The following TOP3B variants were observed in gnomAD, a reference collection of about 807,000 sequenced individuals.
The protein encoded by TOP3B is DNA topoisomerase III beta, also known as DNA topoisomerase 3-beta-1.
A neutral mutation model predicts 93.9 loss-of-function variants in TOP3B; 45 were observed. That is an observed-to-expected ratio of 0.48 (90% CI 0.38 to 0.61). TOP3B has a LOEUF of 0.61. Ranked by LOEUF, TOP3B falls within the 20% of genes least tolerant of loss-of-function variation. TOP3B has a pLI of 0.00. For synonymous variants in TOP3B, 357 were observed against 472.6 expected, an observed-to-expected ratio of 0.76 and a Z score of 3.17; for missense variants, 750 against 1,156.1, an observed-to-expected ratio of 0.65 and a Z score of 5.09.
At chr22:21,962,323 G>A in intron 13 of TOP3B, 106 bp downstream of exon 13, 2 of 1,599,634 alleles carry the variant, frequency 1.3e-6, no homozygotes, top group Admixed American at 1.7e-5. Context: ...CCCATGGAGG[G>A]GTGCTGGGCT....
chr22:21,964,271 T>G lies in TOP3B; in HGVS notation c.988A>C (p.Thr330Pro). ...CGTGGGTAGCTGATGTAGCCTTGCG[T>G]GTAGAGCCGCTCAGCCGTCTGCATG... The part of the protein sequence containing the change: ...HAMQTAERLY[T>P]QGYISYPRTE... The change falls in exon 10 of 18, where the codon ACG becomes CCG. Residue 330 changes from threonine to proline, a missense_variant. Around this residue, in one of 4 missense-constraint regions of TOP3B, gnomAD observed 737 missense variants for 933.7 expected, o/e 0.79. Coordinates refer to ENST00000357179, the MANE Select transcript of TOP3B (RefSeq NM_001282112.2). 1 of 1,614,068 alleles carries G rather than the reference T, an allele frequency of 6.2e-7. No individual in the cohort carries two copies. Among genetic ancestry groups the G allele is most frequent in the East Asian group, 2.2e-5 (1 of 44,876 alleles).
In TOP3B at chr22:21,958,490, A is replaced by G. The variant is rs1227425196; in HGVS notation, c.2107+2T>C. The G allele has an allele frequency of 3.7e-6, 6 of 1,613,544 alleles. No individual in the cohort carries two copies. The highest frequency in any genetic ancestry group is 1.3e-5 in the African/African-American group (1 of 74,830). ...TGGACAGGAGGGAGTGGCTGCACTC[A>G]CCTTTCTTCATGTCTCGGAAGGGTG... On this transcript the variant is annotated splice_donor_variant, in intron 17 of 17. Coordinates refer to ENST00000357179, the MANE Select transcript of TOP3B (RefSeq NM_001282112.2). LOFTEE classifies it high-confidence loss of function.
intron 16 of TOP3B, 80 bp downstream of exon 16, chr22:21,959,052 A>G: frequency 1.9e-6 from 3 of 1,561,196 alleles, no homozygotes; most frequent in Non-Finnish European, 2.6e-6. Flanking sequence ...GACAAAGAAC[A>G]TGATTCCTGC....
intron 9 of TOP3B, 156 bp from the exon 10 acceptor site, chr22:21,964,471 C>G: frequency 1.2e-6 from 1 of 805,388 alleles, no homozygotes; most frequent in South Asian, 1.7e-5. Context: ...AGCTGCTGGC[C>G]GGGTGGGCAC....
chr22:21,957,349 T>C lies in TOP3B; in HGVS notation c.2354A>G (p.Lys785Arg). The C allele has an allele frequency of 1.2e-6, 2 of 1,610,772 alleles. No homozygotes were observed. Among genetic ancestry groups the C allele is most frequent in the Non-Finnish European group, 1.7e-6 (2 of 1,179,266 alleles). ...ATCGCCCGGGAGTGGGGACTTGGCCTTGTTGAAGTCCACATCAAGCAAGGC... is the reference window on the plus strand; with the variant it reads ...ATCGCCCGGGAGTGGGGACTTGGCCCTGTTGAAGTCCACATCAAGCAAGGC... The part of the protein sequence containing the change: ...EAALLDVDFN[K>R]AKSPLPGDET... The change falls in exon 18 of 18, where the codon AAG becomes AGG. Residue 785 changes from lysine (K) to arginine (R), a missense_variant. Transcript: ENST00000357179.
In TOP3B at chr22:21,971,267, G is replaced by A; in HGVS notation, c.384+610C>T. The stretch of plus-strand genomic sequence containing the variant: ...CTTGAGCCACGGGTGAGAGCTGGGG[G>A]TACAGGAGCACGGGGGCGACCCATA... On this transcript the variant is annotated intron_variant, in intron 5 of 17. Transcript: ENST00000357179. This position sits in a 1 kb window ranked among gnomAD's most constrained non-coding sequence, Gnocchi z 4.6. The A allele has an allele frequency of 3.4e-6, 1 of 296,234 alleles. No individual in the cohort carries two copies. Among genetic ancestry groups the A allele is most frequent in the Non-Finnish European group, 6.6e-6 (1 of 151,428 alleles). The allele number at this position is 296,234 out of a possible 1,614,324, so 18.4% of individuals were successfully genotyped here. A position where few individuals can be genotyped will look rare whatever the true frequency, so the allele number is the denominator to read the frequency against.
intron 1 of TOP3B, among the ~76,000 whole-genome samples, chr22:21,977,791 G>T (rs981394261): frequency 2.6e-5 from 4 of 152,150 alleles, no homozygotes; most frequent in South Asian, 2.1e-4. Context: ...TCCTTGGAAT[G>T]AACTTAATAG....
rs368694010 is a variant in TOP3B at position 21,968,793 on chromosome 22, A to G, written c.582-18T>C. 6 of 1,613,754 alleles carry G rather than the reference A, an allele frequency of 3.7e-6. No individual in the cohort carries two copies. The African/African-American group carries it at 6.7e-5, about 18-fold the overall frequency. On this transcript the variant is annotated intron_variant, in intron 6 of 17. Coordinates refer to ENST00000357179, the MANE Select transcript of TOP3B (RefSeq NM_001282112.2). ...TCTGAAACCTGGAGGGAGTGGAAAG[A>G]TATTTTGGTCACTGATTCACTCAAG...
intron 9 of TOP3B, 38 bp downstream of exon 9, chr22:21,965,243 CAGGA>C: frequency 6.7e-7 from 1 of 1,494,358 alleles, no homozygotes. Context: ...GAACCTGCCT[CAGGA>C]AGCCTTCTGG....
intron 14 of TOP3B, 74 bp downstream of exon 14, chr22:21,960,247 G>T (rs766185962): frequency 1.2e-6 from 2 of 1,601,004 alleles, no homozygotes; most frequent in African/African-American, 2.7e-5. Flanking sequence ...TGTCTGGAGC[G>T]GGCAGCAGAG....
chr22:21,971,337 C>T lies in TOP3B; in HGVS notation c.384+540G>A, dbSNP rs116002953. ...ACCAAGTGAGACCAGCAGTCATGGC[C>T]ACTGTGAGGGCACCATGGCCGGGGC... On this transcript the variant is annotated intron_variant, in intron 5 of 17. Transcript: ENST00000357179. The surrounding 1 kb of genome is among the most constrained non-coding windows in gnomAD (Gnocchi z 4.6). 1,093 of 287,120 alleles carry T rather than the reference C, an allele frequency of 3.8e-3. 6 individuals are homozygous for T. Among genetic ancestry groups the T allele is most frequent in the African/African-American group, 0.023 (1,024 of 44,742 alleles). The allele number at this position is 287,120 out of a possible 1,614,324, so 17.8% of individuals were successfully genotyped here.
intron 1 of TOP3B, among the ~76,000 whole-genome samples, chr22:21,979,268 G>A (rs890413961): frequency 6.6e-6 from 1 of 152,032 alleles, no homozygotes; most frequent in African/African-American, 2.4e-5. Context: ...TGCTCTGTGG[G>A]GTCCAGGAAG....
rs1217462113 is a variant in TOP3B, at chr22:21,959,767, T to C, written c.1655-31A>G. 5.0e-6 allele frequency: 8 copies of C among 1,603,436 alleles called. No homozygotes were observed. In the East Asian group the frequency reaches 1.6e-4, roughly 31 times the overall value. ...AGTGGGCAGGGGGCAGATATTGCCCTGAGCACTCGCACCCAGGGCCATGCC... is the reference window on the plus strand; with the variant it reads ...AGTGGGCAGGGGGCAGATATTGCCCCGAGCACTCGCACCCAGGGCCATGCC... On this transcript the variant is annotated intron_variant, in intron 14 of 17. Transcript: ENST00000357179.
intron 15 of TOP3B, 143 bp downstream of exon 15, chr22:21,959,444 G>T (rs2071070668): frequency 6.6e-7 from 1 of 1,505,478 alleles, no homozygotes; most frequent in Non-Finnish European, 8.8e-7. Context: ...AACCCAGCCA[G>T]GAGGTGTCAC....
At chr22:21,960,150 A>AGGTCCTGGG in intron 14 of TOP3B, 171 bp downstream of exon 14, 1 of 983,874 alleles carries the variant, frequency 1.0e-6, no homozygotes, top group Non-Finnish European at 1.5e-6. Flanking sequence ...TGCTCTGGGC[A>AGGTCCTGGG]GGTCCTGGGG....
chr22:21,965,542 G>C (rs2071383149), intron 8 of TOP3B, 167 bp from the exon 9 acceptor site: 1 of 429,336 alleles, frequency 2.3e-6, no homozygotes, highest in African/African-American at 2.1e-5. Context: ...TTCAGGACCA[G>C]GAAAGGAAAA....
At chr22:21,974,181 T>G (rs541282416) in intron 3 of TOP3B, 176 bp downstream of exon 3, 1 of 728,258 alleles carries the variant, frequency 1.4e-6, no homozygotes, top group East Asian at 3.1e-5. Context: ...TTCCAGAGCC[T>G]GGGTTCTGGG....
At chr22:21,959,560 G>A (rs1366117271) in intron 15 of TOP3B, 27 bp downstream of exon 15, 2 of 1,586,256 alleles carry the variant, frequency 1.3e-6, no homozygotes, top group Middle Eastern at 1.7e-4. Context: ...CCCCTCTGGT[G>A]AGGGGCAGGC....
rs776683013 is a variant in TOP3B at position 21,962,483 on chromosome 22, G to T, written c.1471C>A (p.Pro491Thr). Residue 491 changes from proline (P) to threonine (T), a missense_variant, in exon 13 of 18, where the codon CCC (proline) becomes ACC (threonine). Around this residue, in one of 4 missense-constraint regions of TOP3B, gnomAD observed 737 missense variants for 933.7 expected, o/e 0.79. Coordinates refer to ENST00000357179, the MANE Select transcript of TOP3B (RefSeq NM_001282112.2). ...AGCTCGGCCTCCGTCAGGTAGTCGGGTGGGTTCGTCTGCTTCTCCAGCATC... is the reference window on the plus strand; with the variant it reads ...AGCTCGGCCTCCGTCAGGTAGTCGGTTGGGTTCGTCTGCTTCTCCAGCATC... The part of the protein sequence containing the change: ...VKMLEKQTNP[P>T]DYLTEAELIT... 1.2e-6 allele frequency: 2 copies of T among 1,613,782 alleles called. No individual in the cohort carries two copies. The highest frequency in any genetic ancestry group is 1.1e-5 in the South Asian group (1 of 91,082).
Sources: gnomAD v4.1 joint callset for allele counts (sites outside exome capture counted in the v4.1 genomes callset) on GRCh38, gnomAD v4.1.1 for gene constraint, gnomAD v4.1.1 regional missense constraint, Gnocchi (gnomAD v3.1) non-coding constraint, MANE v1.5 for transcripts, NCBI Gene and HGNC (gene_info 2026-07-23, HGNC 2026-07-21) for gene names.